The following ARHGAP8 variants were observed in gnomAD, a reference collection of about 807,000 sequenced individuals.
ARHGAP8 encodes rho GTPase-activating protein 8.
A neutral mutation model predicts 46.1 loss-of-function variants in ARHGAP8; 62 were observed. The ratio of observed to expected loss-of-function variants is 1.34; its 90% CI spans 1.10 to 1.66. The LOEUF (loss-of-function observed/expected upper bound fraction) is 1.66, where lower values mean the gene tolerates loss of function less well. Among genes scored for constraint, ARHGAP8 ranks in the 40% most tolerant of loss-of-function variants. The pLI is 0.00. For missense variants in ARHGAP8, 923 were observed against 568.4 expected, an observed-to-expected ratio of 1.62 and a Z score of -6.34; for synonymous variants, 375 against 243.1, an observed-to-expected ratio of 1.54 and a Z score of -5.05.
chr22:44,837,514 G>A (rs1309272624), intron 7 of ARHGAP8, among the ~76,000 whole-genome samples: 1 of 152,182 alleles, frequency 6.6e-6, no homozygotes, highest in Admixed American at 6.5e-5. Flanking sequence ...ACGTGACCCT[G>A]GCCCGTGCAC....
chr22:44,861,004 TTCTC>T (rs961557202), intron 11 of ARHGAP8, among the ~76,000 whole-genome samples: 4 of 152,132 alleles, frequency 2.6e-5, no homozygotes, highest in South Asian at 2.1e-4. Flanking sequence ...ACTCTCCTAA[TTCTC>T]TCAAAAAAAT....
At chr22:44,806,007 G>C (rs1484291195) in intron 3 of ARHGAP8, among the ~76,000 whole-genome samples, 1 of 152,228 alleles carries the variant, frequency 6.6e-6, no homozygotes, top group African/African-American at 2.4e-5. Context: ...CCCAGCGCTG[G>C]GGCCAAAGGA....
chr22:44,861,159 A>T (rs570855716), intron 11 of ARHGAP8, among the ~76,000 whole-genome samples: 54 of 152,108 alleles, frequency 3.6e-4, no homozygotes, highest in South Asian at 2.3e-3. Flanking sequence ...TTTAGTAGAG[A>T]TGGGGTTTCG....
chr22:44,775,383 G>A (rs11090698), intron 1 of ARHGAP8, among the ~76,000 whole-genome samples: 41,535 of 152,078 alleles, frequency 0.27, 6,705 homozygotes, highest in South Asian at 0.57. Flanking sequence ...CCATCTGCAG[G>A]CAGCCTTTCC....
intron 7 of ARHGAP8, among the ~76,000 whole-genome samples, chr22:44,843,824 CAAAAAA>C (rs56308320): frequency 7.5e-5 from 7 of 93,092 alleles, no homozygotes; most frequent in Non-Finnish European, 9.2e-5. Flanking sequence ...GACCTTGTCT[CAAAAAA>C]AAAAAAAAAA....
At chr22:44,771,779 T>C (rs962024155) in intron 1 of ARHGAP8, among the ~76,000 whole-genome samples, 1 of 151,678 alleles carries the variant, frequency 6.6e-6, no homozygotes, top group African/African-American at 2.4e-5. Context: ...GGTCTCGAAC[T>C]CCTGACCTCA....
At chr22:44,821,231 A>G (rs373311039) in intron 5 of ARHGAP8, among the ~76,000 whole-genome samples, 36 of 152,224 alleles carry the variant, frequency 2.4e-4, no homozygotes, top group African/African-American at 7.9e-4. Flanking sequence ...GGAGATCGAG[A>G]CCATCCTGGC....
chr22:44,852,224 G>C (rs112217362), intron 10 of ARHGAP8, among the ~76,000 whole-genome samples: 1 of 150,010 alleles, frequency 6.7e-6, no homozygotes, highest in Non-Finnish European at 1.5e-5. Flanking sequence ...AAAAGGAAGG[G>C]AGGAAGGAAG....
chr22:44,857,891 A>G (rs2070277683), intron 10 of ARHGAP8, among the ~76,000 whole-genome samples: 1 of 151,578 alleles, frequency 6.6e-6, no homozygotes, highest in Admixed American at 6.6e-5. Flanking sequence ...GGCGGTTGTG[A>G]CGCTCAGCTC....
At chr22:44,862,244 C>T (rs375065620) in intron 11 of ARHGAP8, 31 bp from the exon 12 acceptor site, 1 of 1,558,998 alleles carries the variant, frequency 6.4e-7, no homozygotes, top group Non-Finnish European at 8.7e-7. Flanking sequence ...TTGGTGTTCA[C>T]TCCCCTTTAC....
chr22:44,854,787 G>T (rs115858539), intron 10 of ARHGAP8, among the ~76,000 whole-genome samples: 4 of 151,396 alleles, frequency 2.6e-5, no homozygotes, highest in Non-Finnish European at 4.4e-5. Context: ...TACAGGCACC[G>T]GCCATCTTGC....
At chr22:44,859,575 C>A in intron 10 of ARHGAP8, 156 bp from the exon 11 acceptor site, 1 of 712,920 alleles carries the variant, frequency 1.4e-6, no homozygotes, top group Non-Finnish European at 2.4e-6. Flanking sequence ...TGAGCAGAGC[C>A]ATACGGCCAG....
At chr22:44,843,163 C>A (rs1931762249) in intron 7 of ARHGAP8, among the ~76,000 whole-genome samples, 1 of 152,162 alleles carries the variant, frequency 6.6e-6, no homozygotes, top group South Asian at 2.1e-4. Flanking sequence ...GTAACAGTAG[C>A]CTGCCTTGCC....
chr22:44,811,391 G>C (rs190744404), intron 4 of ARHGAP8, among the ~76,000 whole-genome samples: 2 of 152,358 alleles, frequency 1.3e-5, no homozygotes, highest in African/African-American at 2.4e-5. Flanking sequence ...GCGTTGATAA[G>C]TGGAGCCACG....
rs146062474 is a variant in ARHGAP8, at chr22:44,772,409, C to T, written c.-71-14048C>T. On this transcript the variant is annotated intron_variant, in intron 1 of 11. Coordinates refer to ENST00000356099, the MANE Select transcript of ARHGAP8 (RefSeq NM_181335.3). ...TTCGCTATGTTGACCAGGTTGGTCTCGGACTCCTGACCTCAAGTGATCCGC... is the reference window on the plus strand; with the variant it reads ...TTCGCTATGTTGACCAGGTTGGTCTTGGACTCCTGACCTCAAGTGATCCGC... Among the ~76,000 whole-genome samples, 699 of 140,822 alleles carry T rather than the reference C, an allele frequency of 5.0e-3. 17 individuals carry two copies. The highest frequency in any genetic ancestry group is 0.033 in the Admixed American group (446 of 13,542). 92.4% of individuals were successfully genotyped at this position (140,822 alleles called of 152,430 possible). A position where few individuals can be genotyped will look rare whatever the true frequency, so the allele number is the denominator to read the frequency against.
intron 1 of ARHGAP8, among the ~76,000 whole-genome samples, chr22:44,769,929 A>G (rs546108208): frequency 6.6e-6 from 1 of 152,160 alleles, no homozygotes; most frequent in South Asian, 2.1e-4. Context: ...GGTGCTGTTG[A>G]TTGGTTCAGG....
chr22:44,856,831 G>A (rs1213051476), intron 10 of ARHGAP8, among the ~76,000 whole-genome samples: 4 of 144,510 alleles, frequency 2.8e-5, no homozygotes, highest in Non-Finnish European at 6.0e-5. Context: ...CCATTCTTCC[G>A]AATGTGGCTC....
intron 4 of ARHGAP8, among the ~76,000 whole-genome samples, chr22:44,814,069 C>T (rs544647468): frequency 1.6e-4 from 25 of 152,316 alleles, no homozygotes; most frequent in African/African-American, 5.8e-4. Context: ...CCCATCCCCA[C>T]CCTGGTTGGC....
At chr22:44,773,047 C>G (rs1926160010) in intron 1 of ARHGAP8, among the ~76,000 whole-genome samples, 1 of 151,920 alleles carries the variant, frequency 6.6e-6, no homozygotes, top group African/African-American at 2.4e-5. Context: ...AACCTCTGGG[C>G]TTAAGTTACC....
Sources: gnomAD v4.1 joint callset for allele counts (sites outside exome capture counted in the v4.1 genomes callset) on GRCh38, gnomAD v4.1.1 for gene constraint, MANE v1.5 for transcripts, NCBI Gene and HGNC (gene_info 2026-07-23, HGNC 2026-07-21) for gene names.